PTPRK: variants seen among roughly 807,000 people sequenced by gnomAD.
PTPRK encodes the protein receptor-type tyrosine-protein phosphatase kappa.
Under a neutral mutation model 178.0 loss-of-function variants are expected in PTPRK, and 75 were observed. The ratio of observed to expected loss-of-function variants is 0.42; its 90% CI spans 0.35 to 0.51. The LOEUF (loss-of-function observed/expected upper bound fraction) is 0.51, where lower values mean the gene tolerates loss of function less well. PTPRK is among the 20% of genes least tolerant of loss of function. PTPRK has a pLI of 0.02. For synonymous variants in PTPRK, 637 were observed against 620.6 expected (o/e 1.03, Z -0.39); for missense variants, 1,441 against 1,797.8 (o/e 0.80, Z 3.59).
chr6:128,460,627 C>T (rs1301481380), intron 1 of PTPRK, among the ~76,000 whole-genome samples: 1 of 152,080 alleles, frequency 6.6e-6, no homozygotes, highest in Non-Finnish European at 1.5e-5. Flanking sequence ...GGGGGTGTTC[C>T]TTCTCTATTA....
At chr6:128,482,032 C>T (rs1454060659) in intron 1 of PTPRK, among the ~76,000 whole-genome samples, 1 of 152,100 alleles carries the variant, frequency 6.6e-6, no homozygotes, top group African/African-American at 2.4e-5. Context: ...TGAACGAATC[C>T]TGCTTGCATG....
chr6:128,397,839 T>A, intron 1 of PTPRK, 151 bp from the exon 2 acceptor site: 1 of 783,720 alleles, frequency 1.3e-6, no homozygotes, highest in Non-Finnish European at 1.9e-6. Context: ...TCTCTTTAAA[T>A]TTTCACAGAA....
rs144493548 is a variant in PTPRK at position 128,118,998 on chromosome 6, A to C, written c.1163-29006T>G. ...GCTTCCATTTAGTCTTGAAAAGAAC[A>C]GTGAGAAACATTATTTAAATGCTCT... On this transcript the variant is annotated intron_variant, in intron 7 of 29. Transcript: ENST00000368226. 2.9e-4 allele frequency among the ~76,000 whole-genome samples: 44 copies of C among 152,336 alleles called. 1 individual carries two copies. Among genetic ancestry groups the C allele is most frequent in the African/African-American group, 1.0e-3 (43 of 41,598 alleles).
intron 2 of PTPRK, among the ~76,000 whole-genome samples, chr6:128,382,514 A>G (rs1283372131): frequency 1.3e-5 from 2 of 150,362 alleles, no homozygotes; most frequent in Admixed American, 1.3e-4. Context: ...TTCAAGAGAT[A>G]CTCCTGCCTC....
chr6:128,198,331 T>A (rs1805289446), intron 6 of PTPRK, among the ~76,000 whole-genome samples: 2 of 152,320 alleles, frequency 1.3e-5, no homozygotes, highest in South Asian at 2.1e-4. Flanking sequence ...GTGTTATCAC[T>A]CTTCAAGTCC....
intron 6 of PTPRK, among the ~76,000 whole-genome samples, chr6:128,214,236 G>T (rs1458001783): frequency 6.6e-6 from 1 of 151,990 alleles, no homozygotes; most frequent in Non-Finnish European, 1.5e-5. Context: ...GTAAATAACT[G>T]ACATAAAGCA....
At chr6:128,321,773 T>C (rs1275271712) in intron 3 of PTPRK, 5 of 700,574 alleles carry the variant, frequency 7.1e-6, no homozygotes, top group South Asian at 4.6e-5. Context: ...TTTTAACACA[T>C]AGAAATACTT....
rs372087234 is a variant in PTPRK at position 128,127,147 on chromosome 6, G to A, written c.1163-37155C>T. The stretch of plus-strand genomic sequence containing the variant: ...TCTGATATATTTCATTGATCTATAT[G>A]TCTAGTATTTCTCCAATACCACATT... On this transcript the variant is annotated intron_variant, in intron 7 of 29. Coordinates refer to ENST00000368226, the MANE Select transcript of PTPRK (RefSeq NM_002844.4). Among the ~76,000 whole-genome samples, 4 of 152,254 alleles carry A rather than the reference G, an allele frequency of 2.6e-5. No homozygotes were observed. The East Asian group carries it at 7.7e-4, about 29-fold the overall frequency.
chr6:128,416,955 TATA>T (rs1842924421), intron 1 of PTPRK, among the ~76,000 whole-genome samples: 1 of 148,430 alleles, frequency 6.7e-6, no homozygotes, highest in Non-Finnish European at 1.5e-5. Flanking sequence ...AATAATTATA[TATA>T]ATAAAATTAT....
intron 1 of PTPRK, among the ~76,000 whole-genome samples, chr6:128,501,824 T>C (rs557293450): frequency 2.0e-5 from 3 of 152,176 alleles, no homozygotes; most frequent in Non-Finnish European, 2.9e-5. Context: ...TAAAAGACCA[T>C]TAAATCAAAG....
intron 2 of PTPRK, among the ~76,000 whole-genome samples, chr6:128,386,628 A>G (rs1462764049): frequency 6.6e-6 from 1 of 152,244 alleles, no homozygotes; most frequent in Non-Finnish European, 1.5e-5. Context: ...AATAAAGGCT[A>G]CTGAAAACAC....
At chr6:128,068,499 C>T (rs1782231112) in intron 11 of PTPRK, among the ~76,000 whole-genome samples, 1 of 152,072 alleles carries the variant, frequency 6.6e-6, no homozygotes, top group South Asian at 2.1e-4. Flanking sequence ...TAACCTAAAC[C>T]TTCTGATATC....
Position 128,004,156 on chromosome 6 carries a change from G to A in PTPRK, c.2494+928C>T, listed in dbSNP as rs146003934. On this transcript the variant is annotated intron_variant, in intron 15 of 29. Coordinates refer to ENST00000368226, the MANE Select transcript of PTPRK (RefSeq NM_002844.4). ...TGCTTATACCCATGTTTTCCAAACCGGGGTGAGCATATCTCTGCGATCTGA... is the reference window on the plus strand; with the variant it reads ...TGCTTATACCCATGTTTTCCAAACCAGGGTGAGCATATCTCTGCGATCTGA... Among the ~76,000 whole-genome samples the A allele has an allele frequency of 1.7e-3, 262 of 151,752 alleles. 1 individual carries two copies. Among genetic ancestry groups the A allele is most frequent in the African/African-American group, 6.0e-3 (250 of 41,458 alleles).
At chr6:128,438,488 G>A (rs1319813715) in intron 1 of PTPRK, among the ~76,000 whole-genome samples, 1 of 152,214 alleles carries the variant, frequency 6.6e-6, no homozygotes. Context: ...GCCACAGGCA[G>A]GAAATGGAGA....
intron 3 of PTPRK, among the ~76,000 whole-genome samples, chr6:128,244,017 G>T (rs1032022438): frequency 5.3e-5 from 8 of 152,154 alleles, no homozygotes; most frequent in African/African-American, 1.9e-4. Context: ...TAAGGAAGCA[G>T]AGAAGGTAGA....
intron 3 of PTPRK, among the ~76,000 whole-genome samples, chr6:128,284,259 G>A (rs1822118326): frequency 6.6e-6 from 1 of 152,028 alleles, no homozygotes; most frequent in Non-Finnish European, 1.5e-5. Context: ...CTGTCACCAG[G>A]GTAAGTACTA....
In PTPRK at chr6:128,091,393, T is replaced by C. The variant is rs575075275; in HGVS notation, c.1163-1401A>G. On this transcript the variant is annotated intron_variant, in intron 7 of 29. Coordinates refer to ENST00000368226, the MANE Select transcript of PTPRK (RefSeq NM_002844.4). Reference sequence around the variant, plus strand: ...ACCAGACACAAGAGTAAAGTGATGATACTTTCAATTTAGTCCAGTTAGACC... The same window carrying C: ...ACCAGACACAAGAGTAAAGTGATGACACTTTCAATTTAGTCCAGTTAGACC... Among the ~76,000 whole-genome samples the C allele has an allele frequency of 1.2e-4, 18 of 152,308 alleles. No individual in the cohort carries two copies. In the South Asian group the frequency reaches 3.5e-3, roughly 30 times the overall value.
At chr6:128,185,376 G>A (rs530500442) in intron 6 of PTPRK, among the ~76,000 whole-genome samples, 4 of 152,176 alleles carry the variant, frequency 2.6e-5, no homozygotes, top group Admixed American at 1.3e-4. Flanking sequence ...GATATCTTAA[G>A]ATATTCTGCT....
intron 6 of PTPRK, among the ~76,000 whole-genome samples, chr6:128,185,348 C>T (rs1052192667): frequency 9.2e-5 from 14 of 152,036 alleles, no homozygotes; most frequent in African/African-American, 1.4e-4. Flanking sequence ...ATCAAAGGCA[C>T]ACTATAATTT....
Sources: gnomAD v4.1 joint callset for allele counts (sites outside exome capture counted in the v4.1 genomes callset) on GRCh38, gnomAD v4.1.1 for gene constraint, MANE v1.5 for transcripts, NCBI Gene and HGNC (gene_info 2026-07-23, HGNC 2026-07-21) for gene names.